Variants in TENM4 observed in about 807,000 individuals in gnomAD.
TENM4 encodes the protein teneurin transmembrane protein 4, also known as teneurin-4.
TENM4 carries 82 observed loss-of-function variants against 243.3 expected under a neutral mutation model. The ratio of observed to expected loss-of-function variants is 0.34; its 90% confidence interval spans 0.28 to 0.40. TENM4 has a LOEUF of 0.40. Among genes scored for constraint, TENM4 ranks in the 10% least tolerant of loss-of-function variants. TENM4 has a pLI of 1.00. For missense variants in TENM4, 3,138 were observed against 3,673.3 expected, an observed-to-expected ratio of 0.85 and a Z score of 3.77; for synonymous variants, 1,412 against 1,456.3, an observed-to-expected ratio of 0.97 and a Z score of 0.69.
At chr11:79,154,859 C>T (rs481032) in intron 3 of TENM4, among the ~76,000 whole-genome samples, 86,426 of 152,054 alleles carry the variant, frequency 0.57, 26,251 homozygotes, top group Non-Finnish European at 0.69. Context: ...TGTTGTCCAC[C>T]GGGGTGTCCT....
Position 78,861,753 on chromosome 11 carries a change from CAG to C in TENM4, c.1255+1207_1255+1208del, listed in dbSNP as rs143763831. 4.4e-3 allele frequency among the ~76,000 whole-genome samples: 665 copies of C among 152,274 alleles called. 8 individuals carry two copies. The highest frequency in any genetic ancestry group is 0.015 in the African/African-American group (632 of 41,558). On this transcript the variant is annotated intron_variant, in intron 10 of 33. Transcript: ENST00000278550. ...GCTGGAAGGCAAATTATTGCAAGGGCAGAGAGGCTCAGATGCTATGACCCAAA... is the reference window on the plus strand; with the variant it reads ...GCTGGAAGGCAAATTATTGCAAGGGCAGAGGCTCAGATGCTATGACCCAAA...
At chr11:79,271,403 C>T (rs2135345675) in intron 2 of TENM4, among the ~76,000 whole-genome samples, 1 of 152,332 alleles carries the variant, frequency 6.6e-6, no homozygotes, top group South Asian at 2.1e-4. Flanking sequence ...TTTATTTGCA[C>T]TTTTCATACC....
Position 78,782,771 on chromosome 11 carries a change from T to TAAA in TENM4, c.2365+4126_2365+4127insTTT, listed in dbSNP as rs111596686. 7.0e-4 allele frequency among the ~76,000 whole-genome samples: 92 copies of TAAA among 131,686 alleles called. 1 individual carries two copies. Among genetic ancestry groups the TAAA allele is most frequent in the African/African-American group, 2.3e-3 (87 of 37,668 alleles). 86.4% of individuals were successfully genotyped at this position (131,686 alleles called of 152,430 possible). ...ACAGAGTGAGACTCTGTCTTTTTTT[T>TAAA]TAAAAAAAAAAAAACTGGACAAAGC... On this transcript the variant is annotated intron_variant, in intron 16 of 33. Coordinates refer to ENST00000278550, the MANE Select transcript of TENM4 (RefSeq NM_001098816.3).
intron 25 of TENM4, among the ~76,000 whole-genome samples, chr11:78,718,395 C>T (rs1859569516): frequency 6.6e-6 from 1 of 152,188 alleles, no homozygotes; most frequent in African/African-American, 2.4e-5. Flanking sequence ...AAAAAGATCA[C>T]TGAACATCAG....
At chr11:79,116,449 T>C (rs922041552) in intron 4 of TENM4, among the ~76,000 whole-genome samples, 5 of 151,964 alleles carry the variant, frequency 3.3e-5, no homozygotes, top group African/African-American at 1.2e-4. Context: ...CAGAGAAAAA[T>C]AGTGATAAGT....
At chr11:78,931,313 A>G (rs1157744885) in intron 6 of TENM4, among the ~76,000 whole-genome samples, 1 of 152,304 alleles carries the variant, frequency 6.6e-6, no homozygotes, top group East Asian at 1.9e-4. Flanking sequence ...CAGCAGGCCC[A>G]TATTAAAAAG....
At chr11:78,835,676 C>A (rs1858087994) in intron 12 of TENM4, among the ~76,000 whole-genome samples, 1 of 152,206 alleles carries the variant, frequency 6.6e-6, no homozygotes, top group South Asian at 2.1e-4. Flanking sequence ...TCTCACCTAG[C>A]TCTCTCTATC....
At chr11:79,325,821 C>A (rs1856966429) in intron 1 of TENM4, among the ~76,000 whole-genome samples, 1 of 152,166 alleles carries the variant, frequency 6.6e-6, no homozygotes, top group South Asian at 2.1e-4. Context: ...GGCTCCTTAA[C>A]CCCAGCAGTA....
rs1054792613 is a variant in TENM4 at position 79,315,012 on chromosome 11, G to T, written c.-320-17469C>A. 3.3e-5 allele frequency among the ~76,000 whole-genome samples: 5 copies of T among 152,188 alleles called. No individual in the cohort carries two copies. The East Asian group carries it at 7.7e-4, about 23-fold the overall frequency. On this transcript the variant is annotated intron_variant, in intron 1 of 33. Transcript: ENST00000278550. ...GTTTTTAATAATATATATGCTTAGG[G>T]TTCTAAAGAGTTATGCACAGAGGGT... is the stretch of plus-strand genomic sequence containing the variant.
intron 3 of TENM4, among the ~76,000 whole-genome samples, chr11:79,174,776 A>C (rs1453827758): frequency 2.0e-5 from 3 of 152,076 alleles, no homozygotes; most frequent in Non-Finnish European, 2.9e-5. Flanking sequence ...ATATTGCTAC[A>C]CCTCTCTCTA....
chr11:79,331,583 C>T (rs2135445499), intron 1 of TENM4, among the ~76,000 whole-genome samples: 2 of 152,314 alleles, frequency 1.3e-5, no homozygotes, highest in Middle Eastern at 3.4e-3. Flanking sequence ...GTGTCCCCAA[C>T]ATCTACTGGA....
rs1857873431 is a variant in TENM4 at position 78,655,702 on chromosome 11, G to A, written c.*2356C>T. 2 of 152,288 alleles carry A rather than the reference G, an allele frequency of 1.3e-5. No homozygotes were observed. The highest frequency in any genetic ancestry group is 4.1e-4 in the South Asian group (2 of 4,828). The allele number at this position is 152,288 out of a possible 1,614,324, so 9.4% of individuals were successfully genotyped here. A position where few individuals can be genotyped will look rare whatever the true frequency, so the allele number is the denominator to read the frequency against. ...ACCTCTGAGCAGACATCCCCAGCAG[G>A]TCTTCACTGATGTCAGGCAGCCAGG... On this transcript the variant is annotated 3_prime_UTR_variant, in exon 34 of 34. Coordinates refer to ENST00000278550, the MANE Select transcript of TENM4 (RefSeq NM_001098816.3).
chr11:78,889,313 C>T (rs7111202), intron 9 of TENM4, among the ~76,000 whole-genome samples: 1 of 152,124 alleles, frequency 6.6e-6, no homozygotes, highest in African/African-American at 2.4e-5. Flanking sequence ...TACCTTCAGA[C>T]GTGCTTTCCT....
intron 28 of TENM4, among the ~76,000 whole-genome samples, chr11:78,693,363 G>A (rs959028129): frequency 1.4e-4 from 21 of 152,286 alleles, no homozygotes; most frequent in African/African-American, 4.1e-4. Flanking sequence ...CACACAGCTC[G>A]TAGAGGAATA....
intron 6 of TENM4, among the ~76,000 whole-genome samples, chr11:78,945,638 G>T (rs1447791428): frequency 6.6e-6 from 1 of 152,188 alleles, no homozygotes; most frequent in Admixed American, 6.5e-5. Context: ...CAGGCTGAAG[G>T]CTAGGTCTCT....
At chr11:78,739,451 C>A (rs144701095) in intron 19 of TENM4, among the ~76,000 whole-genome samples, 5 of 152,246 alleles carry the variant, frequency 3.3e-5, no homozygotes, top group Admixed American at 6.5e-5. Flanking sequence ...TGATACTCTA[C>A]CAAACCATAC....
At chr11:78,658,961 T>C (rs371976945) in intron 33 of TENM4, 145 bp from the exon 34 acceptor site, 217 of 932,736 alleles carry the variant, frequency 2.3e-4, no homozygotes, top group Middle Eastern at 6.9e-4. Flanking sequence ...CACCAGAACA[T>C]CCAGGTGGTC....
intron 26 of TENM4, among the ~76,000 whole-genome samples, chr11:78,708,984 T>TTTTTTTTTTTTTTTTTTA (rs59432159): frequency 6.9e-6 from 1 of 145,258 alleles, no homozygotes; most frequent in African/African-American, 2.7e-5. Context: ...TTTTTTTTTT[T>TTTTTTTTTTTTTTTTTTA]AAAAAAAGAG....
At chr11:79,045,543 C>T (rs192258992) in intron 6 of TENM4, among the ~76,000 whole-genome samples, 5 of 152,160 alleles carry the variant, frequency 3.3e-5, no homozygotes, top group African/African-American at 9.7e-5. Flanking sequence ...CACCCCACCC[C>T]CTTACTGACA....
Sources: gnomAD v4.1 joint callset for allele counts (sites outside exome capture counted in the v4.1 genomes callset) on GRCh38, gnomAD v4.1.1 for gene constraint, MANE v1.5 for transcripts, NCBI Gene and HGNC (gene_info 2026-07-23, HGNC 2026-07-21) for gene names.